C1GALT1: variants seen among roughly 807,000 people sequenced by gnomAD.
The protein encoded by C1GALT1 is glycoprotein-N-acetylgalactosamine 3-beta-galactosyltransferase 1.
C1GALT1 carries 11 observed loss-of-function variants against 31.0 expected under a neutral mutation model. The ratio of observed to expected loss-of-function variants is 0.36; its 90% confidence interval spans 0.22 to 0.59. The LOEUF (loss-of-function observed/expected upper bound fraction) is 0.59. Among genes scored for constraint, C1GALT1 ranks in the 20% least tolerant of loss-of-function variants. C1GALT1 has a pLI of 0.79. For synonymous variants in C1GALT1, 175 were observed against 143.6 expected (o/e 1.22, Z -1.56); for missense variants, 424 against 425.2 (o/e 1.00, Z 0.03).
chr7:7,223,174 T>C (rs1438806051), intron 1 of C1GALT1, among the ~76,000 whole-genome samples: 2 of 152,200 alleles, frequency 1.3e-5, no homozygotes, highest in Non-Finnish European at 2.9e-5. Flanking sequence ...TTTTCTTTTT[T>C]TGGAGATGGA....
intron 1 of C1GALT1, among the ~76,000 whole-genome samples, chr7:7,214,220 C>CT (rs1252163235): frequency 4.6e-5 from 7 of 152,180 alleles, no homozygotes; most frequent in Non-Finnish European, 1.0e-4. Context: ...GATCCATCTC[C>CT]TTTTAATTCC....
chr7:7,247,940 T>C lies in C1GALT1; in HGVS notation c.*4213T>C, dbSNP rs1449776314. ...GATACTTGCCCTACTTAAAAATCTA[T>C]AATTTAAAATTAATTCTATGTCTAC... is the stretch of plus-strand genomic sequence containing the variant. On this transcript the variant is annotated 3_prime_UTR_variant, in exon 4 of 4. Coordinates refer to ENST00000436587, the MANE Select transcript of C1GALT1 (RefSeq NM_020156.5). 2.6e-5 allele frequency: 4 copies of C among 152,064 alleles called. No homozygotes were observed. The highest frequency in any genetic ancestry group is 7.2e-5 in the African/African-American group (3 of 41,440). 9.4% of individuals were successfully genotyped at this position (152,064 alleles called of 1,614,324 possible). A position where few individuals can be genotyped will look rare whatever the true frequency, so the allele number is the denominator to read the frequency against.
At chr7:7,234,107 C>T (rs552217261) in intron 1 of C1GALT1, among the ~76,000 whole-genome samples, 196 bp from the exon 2 acceptor site, 5 of 152,234 alleles carry the variant, frequency 3.3e-5, no homozygotes, top group African/African-American at 7.2e-5. Flanking sequence ...CTGTGACTGT[C>T]CTACTAATTA....
intron 1 of C1GALT1, among the ~76,000 whole-genome samples, chr7:7,208,185 G>T (rs370347469): frequency 2.4e-4 from 36 of 152,126 alleles, no homozygotes; most frequent in African/African-American, 8.7e-4. Flanking sequence ...CTTGTGTTCA[G>T]TTCAATAAAG....
intron 2 of C1GALT1, among the ~76,000 whole-genome samples, chr7:7,236,248 A>G (rs527264318): frequency 1.4e-4 from 21 of 152,102 alleles, no homozygotes; most frequent in Non-Finnish European, 2.9e-4. Flanking sequence ...TTCATCTCCT[A>G]TGCCAGCCCA....
chr7:7,226,915 AGT>A (rs200462822), intron 1 of C1GALT1, among the ~76,000 whole-genome samples: 9 of 152,064 alleles, frequency 5.9e-5, no homozygotes, highest in Non-Finnish European at 1.2e-4. Flanking sequence ...TGGCAGAGGG[AGT>A]GTGTGTGTAT....
chr7:7,227,165 CAAAT>C (rs1459458068), intron 1 of C1GALT1, among the ~76,000 whole-genome samples: 1 of 152,048 alleles, frequency 6.6e-6, no homozygotes, highest in Admixed American at 6.6e-5. Flanking sequence ...CCTATAAATT[CAAAT>C]AAATCTAATA....
chr7:7,222,895 T>G (rs1782570624), intron 1 of C1GALT1, among the ~76,000 whole-genome samples: 1 of 102,378 alleles, frequency 9.8e-6, no homozygotes, highest in African/African-American at 6.3e-5. Context: ...ATGACAGGTA[T>G]GTGAGTTTTT....
chr7:7,224,680 A>G (rs1782672234), intron 1 of C1GALT1, among the ~76,000 whole-genome samples: 1 of 152,158 alleles, frequency 6.6e-6, no homozygotes, highest in South Asian at 2.1e-4. Flanking sequence ...GTCAATAGAA[A>G]TAACCCCTGT....
At chr7:7,192,818 TATTTTTTG>T (rs1033173048) in intron 1 of C1GALT1, among the ~76,000 whole-genome samples, 2 of 152,250 alleles carry the variant, frequency 1.3e-5, no homozygotes, top group East Asian at 1.9e-4. Context: ...CAACATCTAT[TATTTTTTG>T]ATTTTTTGAT....
intron 1 of C1GALT1, among the ~76,000 whole-genome samples, chr7:7,184,227 T>C (rs1013695332): frequency 2.0e-5 from 3 of 152,234 alleles, no homozygotes; most frequent in African/African-American, 4.8e-5. Flanking sequence ...CTTCACCTTA[T>C]GGTAAGTGAA....
At position 7,234,902 on chromosome 7, in the gene C1GALT1, A is replaced by C. The variant is rs537534769; in HGVS notation, c.220+363A>C. On this transcript the variant is annotated intron_variant, in intron 2 of 3. Coordinates refer to ENST00000436587, the MANE Select transcript of C1GALT1 (RefSeq NM_020156.5). Reference sequence around the variant, plus strand: ...TTGCTTAAGTCTTGTTTTCCTAGAGAAACTTGAGGTGTATGTAAGTTTCGA... The same window carrying C: ...TTGCTTAAGTCTTGTTTTCCTAGAGCAACTTGAGGTGTATGTAAGTTTCGA... 20 of 159,764 alleles carry C rather than the reference A, an allele frequency of 1.3e-4. No homozygotes were observed. In the South Asian group the frequency reaches 3.8e-3, roughly 30 times the overall value. 9.9% of individuals were successfully genotyped at this position (159,764 alleles called of 1,614,324 possible). A position where few individuals can be genotyped will look rare whatever the true frequency, so the allele number is the denominator to read the frequency against.
chr7:7,234,428 A>G lies in C1GALT1; in HGVS notation c.109A>G (p.Thr37Ala). ...TATTTTGTTGGGAGAAAAGGTTGAC[A>G]CCCAGCCTAATGTTCTTCATAATGA... ...FSILLGEKVD[T>A]QPNVLHNDPH... The change falls in exon 2 of 4, where the codon ACC (threonine) becomes GCC (alanine). Residue 37 changes from threonine (T) to alanine (A), a missense_variant. Physicochemically the swap from Thr to Ala is moderately conservative, Grantham distance 58. Around this residue, in one of 3 missense-constraint regions of C1GALT1, gnomAD observed 189 missense variants for 158.2 expected, o/e 1.19. Coordinates refer to ENST00000436587, the MANE Select transcript of C1GALT1 (RefSeq NM_020156.5). 6.2e-7 allele frequency: 1 copy of G among 1,613,858 alleles called. No individual in the cohort carries two copies. The highest frequency in any genetic ancestry group is 8.5e-7 in the Non-Finnish European group (1 of 1,179,788).
intron 1 of C1GALT1, among the ~76,000 whole-genome samples, chr7:7,229,260 G>C (rs1036380289): frequency 6.6e-6 from 1 of 152,126 alleles, no homozygotes; most frequent in South Asian, 2.1e-4. Context: ...CAAAATCACA[G>C]CTAGGACAAA....
rs374068731 is a variant in C1GALT1 at position 7,243,653 on chromosome 7, C to G, written c.1018C>G (p.Pro340Ala). 5.6e-6 allele frequency: 9 copies of G among 1,610,696 alleles called. No homozygotes were observed. The highest frequency in any genetic ancestry group is 1.7e-5 in the Admixed American group (1 of 59,472). Reference sequence around the variant, plus strand: ...TTTATACAGATATCAACCTACCTTACCTGAACGTATACTAAAGGAAATTAG... The same window carrying G: ...TTTATACAGATATCAACCTACCTTAGCTGAACGTATACTAAAGGAAATTAG... ...GYLYRYQPTL[P>A]ERILKEISQA... Residue 340 changes from proline (P) to alanine (A), a missense_variant, in exon 4 of 4, where the codon CCT (proline) becomes GCT (alanine). Physicochemically the swap from Pro to Ala is conservative, Grantham distance 27. Coordinates refer to ENST00000436587, the MANE Select transcript of C1GALT1 (RefSeq NM_020156.5).
At chr7:7,230,080 AT>A (rs1782995363) in intron 1 of C1GALT1, among the ~76,000 whole-genome samples, 1 of 152,196 alleles carries the variant, frequency 6.6e-6, no homozygotes, top group Non-Finnish European at 1.5e-5. Context: ...CCAAACTGGA[AT>A]TACAATTCAG....
chr7:7,192,548 C>G (rs542248991), intron 1 of C1GALT1, among the ~76,000 whole-genome samples: 48 of 152,062 alleles, frequency 3.2e-4, no homozygotes, highest in African/African-American at 1.1e-3. Context: ...TCTTTATCCA[C>G]TTGTTGATTG....
intron 1 of C1GALT1, among the ~76,000 whole-genome samples, chr7:7,203,642 A>G (rs1781610899): frequency 6.6e-6 from 1 of 151,628 alleles, no homozygotes; most frequent in Non-Finnish European, 1.5e-5. Context: ...AATAATGGAT[A>G]TTGGTTTGTA....
At chr7:7,186,856 A>G (rs989112002) in intron 1 of C1GALT1, among the ~76,000 whole-genome samples, 1 of 152,206 alleles carries the variant, frequency 6.6e-6, no homozygotes, top group Admixed American at 6.5e-5. Flanking sequence ...GGGAGAAGAG[A>G]TCAGAAAGAA....
Sources: allele counts gnomAD v4.1 joint callset (sites outside exome capture counted in the v4.1 genomes callset), GRCh38; gene constraint gnomAD v4.1.1; regional missense constraint gnomAD v4.1.1; transcripts MANE v1.5; gene names NCBI Gene and HGNC (gene_info 2026-07-23, HGNC 2026-07-21).